The following ATP6V0A4 variants were observed in gnomAD, a reference collection of about 807,000 sequenced individuals.
ATP6V0A4 encodes ATPase H+ transporting V0 subunit a4, also known as V-type proton ATPase 116 kDa subunit a 4.
ATP6V0A4 carries 86 observed loss-of-function variants against 107.3 expected under a neutral mutation model. The ratio of observed to expected loss-of-function variants is 0.80; its 90% CI spans 0.67 to 0.96. ATP6V0A4 has a LOEUF of 0.96. ATP6V0A4 is among the 40% of genes least tolerant of loss of function. The pLI is 0.00. For synonymous variants in ATP6V0A4, 353 were observed against 381.4 expected, an observed-to-expected ratio of 0.93 and a Z score of 0.87; for missense variants, 908 against 1,045.6, an observed-to-expected ratio of 0.87 and a Z score of 1.81.
chr7:138,778,428 T>TTATA (rs56126323), intron 2 of ATP6V0A4, among the ~76,000 whole-genome samples: 40 of 147,936 alleles, frequency 2.7e-4, no homozygotes, highest in African/African-American at 8.4e-4. Flanking sequence ...ACATCTCATT[T>TTATA]TATATATATA....
intron 11 of ATP6V0A4, among the ~76,000 whole-genome samples, chr7:138,750,588 T>G (rs1584924935): frequency 6.6e-6 from 1 of 152,208 alleles, no homozygotes; most frequent in Non-Finnish European, 1.5e-5. Context: ...ACGTGCCACA[T>G]GCACACCCAC....
At position 138,773,338 on chromosome 7, in the gene ATP6V0A4, G is replaced by A. The variant is rs992475327; in HGVS notation, c.-17-2074C>T. 6.6e-6 allele frequency among the ~76,000 whole-genome samples: 1 copy of A among 151,956 alleles called. No homozygotes were observed. The highest frequency in any genetic ancestry group is 1.5e-5 in the Non-Finnish European group (1 of 67,944). ...GAAACTCAATATCCTCCTCTCCACC[G>A]TCCATCCCACGCCCCGCATGACCCT... On this transcript the variant is annotated intron_variant, in intron 2 of 21. Coordinates refer to ENST00000310018, the MANE Select transcript of ATP6V0A4 (RefSeq NM_020632.3). This position sits in a 1 kb window ranked among gnomAD's most constrained non-coding sequence, Gnocchi z 5.4.
At chr7:138,707,160 A>ATAC (rs1562972351) in intron 21 of ATP6V0A4, among the ~76,000 whole-genome samples, 47 of 77,766 alleles carry the variant, frequency 6.0e-4, no homozygotes, top group Middle Eastern at 5.1e-3. Flanking sequence ...ATTAATATAT[A>ATAC]ATATATTATA....
chr7:138,728,632 G>T, intron 18 of ATP6V0A4, 129 bp downstream of exon 18: 1 of 1,266,872 alleles, frequency 7.9e-7, no homozygotes, highest in Non-Finnish European at 1.1e-6. Flanking sequence ...ACTCAGGGCG[G>T]GTCAGTTCCT....
At chr7:138,707,166 T>TATTATATAA (rs1803427846) in intron 21 of ATP6V0A4, among the ~76,000 whole-genome samples, 1 of 74,580 alleles carries the variant, frequency 1.3e-5, no homozygotes, top group African/African-American at 6.0e-5. Context: ...ATATAATATA[T>TATTATATAA]TATATATATT....
intron 17 of ATP6V0A4, 136 bp from the exon 18 acceptor site, chr7:138,728,998 T>G: frequency 1.3e-6 from 2 of 1,525,996 alleles, no homozygotes; most frequent in Non-Finnish European, 1.8e-6. Context: ...ATGAATCCAT[T>G]CACCTTCACG....
chr7:138,759,627 GA>G (rs1471334980), intron 8 of ATP6V0A4, 124 bp downstream of exon 8: 34 of 1,066,054 alleles, frequency 3.2e-5, no homozygotes, highest in Non-Finnish European at 3.7e-5. Context: ...AAAAAAAGGA[GA>G]AAAAAAGGAA....
chr7:138,769,448 G>A, intron 3 of ATP6V0A4, 197 bp from the exon 4 acceptor site: 1 of 448,028 alleles, frequency 2.2e-6, no homozygotes, highest in Non-Finnish European at 2.9e-6. Context: ...CCAAGTAACT[G>A]GGATTACAGG....
intron 1 of ATP6V0A4, among the ~76,000 whole-genome samples, chr7:138,793,250 G>A (rs372322556): frequency 4.6e-5 from 7 of 152,230 alleles, no homozygotes; most frequent in Admixed American, 1.3e-4. Flanking sequence ...AGCCGAGATC[G>A]TGCCACTGCA....
At chr7:138,772,781 T>G (rs1807461652) in intron 2 of ATP6V0A4, among the ~76,000 whole-genome samples, 1 of 152,108 alleles carries the variant, frequency 6.6e-6, no homozygotes, top group African/African-American at 2.4e-5. Context: ...TTCCAAACTC[T>G]GGGGTGGGGC....
intron 13 of ATP6V0A4, among the ~76,000 whole-genome samples, chr7:138,747,089 G>A (rs1047014181): frequency 4.6e-5 from 7 of 151,934 alleles, no homozygotes; most frequent in Admixed American, 2.0e-4. Context: ...TTTTTCTCTC[G>A]GTCATTAGAT....
chr7:138,722,605 CGTG>C lies in ATP6V0A4; in HGVS notation c.2011-583_2011-581del, dbSNP rs1268277700. ...ATTAAAAATACAAAAAATAGCTGGG[CGTG>C]GTGGTGCATGCCTGTAATCCCAGCT... On this transcript the variant is annotated intron_variant, in intron 18 of 21. Transcript: ENST00000310018. Among the ~76,000 whole-genome samples the C allele has an allele frequency of 8.7e-5, 13 of 149,660 alleles. 1 individual carries two copies. In the East Asian group the frequency reaches 2.4e-3, roughly 27 times the overall value.
intron 19 of ATP6V0A4, among the ~76,000 whole-genome samples, chr7:138,719,748 G>A (rs1340188526): frequency 1.3e-5 from 2 of 152,164 alleles, no homozygotes; most frequent in African/African-American, 2.4e-5. Context: ...GGACAGGCAC[G>A]GTGGCTCACG....
At chr7:138,740,598 T>C (rs2117259581) in intron 14 of ATP6V0A4, among the ~76,000 whole-genome samples, 2 of 135,338 alleles carry the variant, frequency 1.5e-5, no homozygotes, top group South Asian at 5.3e-4. Context: ...TGTGGCACCA[T>C]GCCCGACTAA....
chr7:138,729,127 C>G (rs545538277), intron 17 of ATP6V0A4, among the ~76,000 whole-genome samples: 1 of 152,266 alleles, frequency 6.6e-6, no homozygotes, highest in Non-Finnish European at 1.5e-5. Context: ...TTGTACCATA[C>G]GTAACCAATC....
At chr7:138,711,100 C>T (rs940685028) in intron 20 of ATP6V0A4, among the ~76,000 whole-genome samples, 3 of 152,094 alleles carry the variant, frequency 2.0e-5, no homozygotes, top group Non-Finnish European at 4.4e-5. Flanking sequence ...CTTCCCTACC[C>T]GTTACCTCCT....
chr7:138,784,255 T>TTATATATATAC (rs1808063797), intron 2 of ATP6V0A4, among the ~76,000 whole-genome samples: 19 of 28,866 alleles, frequency 6.6e-4, no homozygotes, highest in African/African-American at 2.6e-3. Context: ...TATATATACA[T>TTATATATATAC]ATATATATAT....
chr7:138,794,888 G>T (rs1457073651), intron 1 of ATP6V0A4, among the ~76,000 whole-genome samples: 2 of 134,286 alleles, frequency 1.5e-5, no homozygotes, highest in Non-Finnish European at 3.1e-5. Flanking sequence ...GGCCAGTCCA[G>T]CCCACCCTAT....
chr7:138,747,705 G>T, intron 12 of ATP6V0A4, 141 bp from the exon 13 acceptor site: 1 of 1,337,156 alleles, frequency 7.5e-7, no homozygotes. Flanking sequence ...TCCCTACCCT[G>T]ACACATGCTT....
Sources: gnomAD v4.1 joint callset for allele counts (sites outside exome capture counted in the v4.1 genomes callset) on GRCh38, gnomAD v4.1.1 for gene constraint, Gnocchi (gnomAD v3.1) non-coding constraint, MANE v1.5 for transcripts, NCBI Gene and HGNC (gene_info 2026-07-23, HGNC 2026-07-21) for gene names.